EML3: variants seen among roughly 807,000 people sequenced by gnomAD.
EML3 encodes EMAP like 3.
Under a neutral mutation model 106.7 loss-of-function variants are expected in EML3, and 53 were observed. The ratio of observed to expected loss-of-function variants is 0.50; its 90% CI spans 0.40 to 0.62. The LOEUF is 0.62. Ranked by LOEUF, EML3 falls within the 20% of genes least tolerant of loss-of-function variation. EML3 has a pLI of 0.00. For synonymous variants in EML3, 499 were observed against 489.6 expected, an observed-to-expected ratio of 1.02 and a Z score of -0.25; for missense variants, 994 against 1,209.1, an observed-to-expected ratio of 0.82 and a Z score of 2.64.
chr11:62,610,084 A>C (rs1396799756), intron 4 of EML3, among the ~76,000 whole-genome samples: 1 of 152,196 alleles, frequency 6.6e-6, no homozygotes, highest in Non-Finnish European at 1.5e-5. Flanking sequence ...TAGCCTCCCC[A>C]GTAGCTGGGA....
intron 11 of EML3, 91 bp from the exon 12 acceptor site, chr11:62,607,190 G>A (rs1004700572): frequency 1.3e-6 from 2 of 1,509,294 alleles, no homozygotes; most frequent in Non-Finnish European, 1.8e-6. Context: ...GCTCATGCCT[G>A]TAATCCCAGC....
intron 19 of EML3, 144 bp from the exon 20 acceptor site, chr11:62,603,391 T>C (rs1942344442): frequency 4.0e-6 from 3 of 748,964 alleles, no homozygotes; most frequent in Non-Finnish European, 6.7e-6. Context: ...CTCCTCCCCC[T>C]GTGAAACCCA....
rs563705722 is a variant in EML3 at position 62,609,672 on chromosome 11, G to T, written c.591C>A (p.Ser197=). Reference sequence around the variant, plus strand: ...TCCGAGATCCAGGGCCCCCAGGGCTGGAGAGGGGGTCTTTTCCCCCACGGC... The same window carrying T: ...TCCGAGATCCAGGGCCCCCAGGGCTTGAGAGGGGGTCTTTTCCCCCACGGC... ...TESRGGKDPL[S]SPGGPGSRRS... Residue 197 remains serine (S), a synonymous_variant, in exon 5 of 22, where the codon TCC becomes TCA. Transcript: ENST00000394773. The T allele has an allele frequency of 1.2e-6, 2 of 1,606,882 alleles. No individual in the cohort carries two copies. The highest frequency in any genetic ancestry group is 1.7e-6 in the Non-Finnish European group (2 of 1,176,724).
chr11:62,611,387 C>G (rs772265914), intron 2 of EML3, 38 bp downstream of exon 2: 2 of 1,613,424 alleles, frequency 1.2e-6, no homozygotes, highest in Non-Finnish European at 1.7e-6. Flanking sequence ...CCAGAGGCCC[C>G]AAGGAGGAGG....
chr11:62,604,843 C>G, intron 16 of EML3: 3 of 305,130 alleles, frequency 9.8e-6, no homozygotes, highest in South Asian at 5.3e-5. Context: ...TGTCTATGCC[C>G]CTCCCATTCC....
Position 62,603,129 on chromosome 11 carries a change from G to T in EML3, c.2356+20C>A. On this transcript the variant is annotated intron_variant, in intron 20 of 21. Transcript: ENST00000394773. ...ACCTTGTCCCCCACCCTTCCAGCAG[G>T]TTTCCACGCCCCTGCTCACCGTAGA... is the stretch of plus-strand genomic sequence containing the variant. 1.2e-6 allele frequency: 2 copies of T among 1,613,462 alleles called. No individual in the cohort carries two copies. The highest frequency in any genetic ancestry group is 1.7e-6 in the Non-Finnish European group (2 of 1,179,694).
intron 7 of EML3, 22 bp from the exon 8 acceptor site, chr11:62,608,827 C>A: frequency 6.4e-7 from 1 of 1,565,540 alleles, no homozygotes; most frequent in Non-Finnish European, 8.7e-7. Flanking sequence ...GGAAGACACT[C>A]TAGGGAAAGG....
At position 62,607,759 on chromosome 11, in the gene EML3, G is replaced by A; in HGVS notation, c.1269C>T (p.Thr423=). 6.2e-7 allele frequency: 1 copy of A among 1,613,992 alleles called. No individual in the cohort carries two copies. Among genetic ancestry groups the A allele is most frequent in the Non-Finnish European group, 8.5e-7 (1 of 1,179,986 alleles). ...FNPRDSSCIV[T]SGKSHVHFWN... ...AGAAGTGGACGTGAGATTTCCCACT[G>A]GTGACGATGCAGCTGCTGTCACGAG... Residue 423 remains threonine, a synonymous_variant, in exon 11 of 22, where the codon ACC becomes ACT. Coordinates refer to ENST00000394773, the MANE Select transcript of EML3 (RefSeq NM_153265.3).
rs1228626852 is a variant in EML3, at chr11:62,602,897, A to C, written c.2357-8T>G. On this transcript the variant is annotated splice_region_variant and splice_polypyrimidine_tract_variant and intron_variant, in intron 20 of 21. Coordinates refer to ENST00000394773, the MANE Select transcript of EML3 (RefSeq NM_153265.3). ...AGCCGTCCGGCCAGACGCCTAGCAC[A>C]GCGGCCGGCCTCAGCCCGACCTCCT... is the stretch of plus-strand genomic sequence containing the variant. 4 of 1,547,812 alleles carry C rather than the reference A, an allele frequency of 2.6e-6. No homozygotes were observed. Among genetic ancestry groups the C allele is most frequent in the Non-Finnish European group, 3.5e-6 (4 of 1,146,606 alleles).
chr11:62,611,010 A>G lies in EML3; in HGVS notation c.453-18T>C. The G allele has an allele frequency of 6.2e-7, 1 of 1,611,418 alleles. No homozygotes were observed. The highest frequency in any genetic ancestry group is 1.1e-5 in the South Asian group (1 of 90,864). On this transcript the variant is annotated intron_variant, in intron 3 of 21. Coordinates refer to ENST00000394773, the MANE Select transcript of EML3 (RefSeq NM_153265.3). ...TTCGCGGCCTGGTGGGGGCATAGTG[A>G]AGGTCATTCCCTCCAACTGTACTCT...
At position 62,602,425 on chromosome 11, in the gene EML3, G is replaced by C. The variant is rs757955082; in HGVS notation, c.*50C>G. On this transcript the variant is annotated 3_prime_UTR_variant, in exon 22 of 22. Transcript: ENST00000394773. ...TGGGGGATTGGGCCAGGGAAGGGCA[G>C]GGCGGGGCGGGGCCACGCCGCCGGG... 2.6e-5 allele frequency: 40 copies of C among 1,545,800 alleles called. 1 individual carries two copies. In the South Asian group the frequency reaches 3.7e-4, roughly 14 times the overall value.
At chr11:62,609,295 G>GT in intron 6 of EML3, 59 bp downstream of exon 6, 1 of 1,540,928 alleles carries the variant, frequency 6.5e-7, no homozygotes, top group Non-Finnish European at 8.7e-7. Flanking sequence ...AACTGTAAAG[G>GT]TAAGAGGGGT....
Position 62,607,824 on chromosome 11 carries a change from G to A in EML3, c.1207-3C>T. 5 of 1,612,542 alleles carry A rather than the reference G, an allele frequency of 3.1e-6. No homozygotes were observed. Among genetic ancestry groups the A allele is most frequent in the Non-Finnish European group, 3.4e-6 (4 of 1,178,868 alleles). On this transcript the variant is annotated splice_polypyrimidine_tract_variant and splice_region_variant and intron_variant, in intron 10 of 21. Coordinates refer to ENST00000394773, the MANE Select transcript of EML3 (RefSeq NM_153265.3). ...GCCAGGACTGAGTCATTTGTACTCT[G>A]AAGGGAAGACACTAGATTCAGCCAC...
At position 62,604,163 on chromosome 11, in the gene EML3, G is replaced by C; in HGVS notation, c.2021C>G (p.Ser674Cys). 6.2e-7 allele frequency: 1 copy of C among 1,613,998 alleles called. No homozygotes were observed. The highest frequency in any genetic ancestry group is 1.1e-5 in the South Asian group (1 of 91,054). The stretch of plus-strand genomic sequence containing the variant: ...CTGCTCATTGCCATCAATGACATCA[G>C]ACACGATCTCTCTGGTCTCTGTGTC... The part of the protein sequence containing the change: ...VLDTETREIV[S>C]DVIDGNEQLS... Residue 674 changes from serine (S) to cysteine (C), a missense_variant, in exon 17 of 22, where the codon TCT becomes TGT. Transcript: ENST00000394773.
At chr11:62,608,354 T>A in intron 9 of EML3, 58 bp from the exon 10 acceptor site, 1 of 1,523,424 alleles carries the variant, frequency 6.6e-7, no homozygotes, top group Non-Finnish European at 9.1e-7. Flanking sequence ...CAGGGGTTCA[T>A]GGTCATTAGG....
intron 9 of EML3, 50 bp from the exon 10 acceptor site, chr11:62,608,346 G>A (rs1476167448): frequency 1.3e-6 from 2 of 1,543,680 alleles, no homozygotes; most frequent in Admixed American, 3.3e-5. Context: ...TGGAGGTCCA[G>A]GGGTTCATGG....
Position 62,606,999 on chromosome 11 carries a change from C to G in EML3, c.1463G>C (p.Ser488Thr). Reference sequence around the variant, plus strand: ...GCCTGGGGTCTTGGAATCTGAAGGGCTCCGCCCCCAGGTGAGAATGTTCCC... The same window carrying G: ...GCCTGGGGTCTTGGAATCTGAAGGGGTCCGCCCCCAGGTGAGAATGTTCCC... ...SEGNILTWGR[S>T]PSDSKTPGRG... Residue 488 changes from serine (S) to threonine (T), a missense_variant, in exon 12 of 22, where the codon AGC becomes ACC. By Grantham distance (58) the Ser-to-Thr change is moderately conservative (BLOSUM62 1). Transcript: ENST00000394773. 6.2e-7 allele frequency: 1 copy of G among 1,614,168 alleles called. No homozygotes were observed. The highest frequency in any genetic ancestry group is 8.5e-7 in the Non-Finnish European group (1 of 1,180,008).
rs770491157 is a variant in EML3 at position 62,603,266 on chromosome 11, C to T, written c.2258-19G>A. 1.2e-6 allele frequency: 2 copies of T among 1,608,554 alleles called. No homozygotes were observed. Among genetic ancestry groups the T allele is most frequent in the East Asian group, 4.5e-5 (2 of 44,868 alleles). ...ACGTCCCCTGGGGAGAGGGAGCCCG[C>T]CCAGCTCAGCTCTCACCCTGCCCTC... is the stretch of plus-strand genomic sequence containing the variant. On this transcript the variant is annotated intron_variant, in intron 19 of 21. Coordinates refer to ENST00000394773, the MANE Select transcript of EML3 (RefSeq NM_153265.3).
intron 12 of EML3, 116 bp downstream of exon 12, chr11:62,606,842 G>GT: frequency 1.6e-6 from 2 of 1,220,078 alleles, no homozygotes; most frequent in East Asian, 2.6e-5. Flanking sequence ...GGGCAACAGA[G>GT]TAAGACCTCA....
Sources: allele counts gnomAD v4.1 joint callset (sites outside exome capture counted in the v4.1 genomes callset), GRCh38; gene constraint gnomAD v4.1.1; transcripts MANE v1.5; gene names NCBI Gene and HGNC (gene_info 2026-07-23, HGNC 2026-07-21).